Variants in MAP3K5 observed in about 807,000 individuals in gnomAD.
MAP3K5 encodes mitogen-activated protein kinase kinase kinase 5, also known as ASK-1.
A neutral mutation model predicts 158.7 loss-of-function variants in MAP3K5; 56 were observed. That is an observed-to-expected ratio of 0.35 (90% CI 0.28 to 0.44). The LOEUF is 0.44. Ranked by LOEUF, MAP3K5 falls within the 20% of genes least tolerant of loss-of-function variation. The probability of loss-of-function intolerance (pLI) is 1.00; values close to 1 mark genes in which losing one functional copy is unlikely to be tolerated. For missense variants in MAP3K5, 1,294 were observed against 1,674.8 expected, an observed-to-expected ratio of 0.77 and a Z score of 3.97; for synonymous variants, 579 against 601.7, an observed-to-expected ratio of 0.96 and a Z score of 0.55.
In MAP3K5 at chr6:136,648,583, T is replaced by G. The variant is rs183783316; in HGVS notation, c.1788+2401A>C. 1.3e-4 allele frequency among the ~76,000 whole-genome samples: 20 copies of G among 152,338 alleles called. No individual in the cohort carries two copies. The East Asian group carries it at 3.9e-3, about 29-fold the overall frequency. On this transcript the variant is annotated intron_variant, in intron 11 of 29. Coordinates refer to ENST00000359015, the MANE Select transcript of MAP3K5 (RefSeq NM_005923.4). ...TAGTGTGCCTGCTAAAATACTAAGT[T>G]ACAAGACTTAACGTGACCAACTTTA... is the stretch of plus-strand genomic sequence containing the variant.
In MAP3K5 at chr6:136,622,876, T is replaced by C. The variant is rs139733824; in HGVS notation, c.2122A>G (p.Ile708Val). Residue 708 changes from isoleucine (I) to valine (V), a missense_variant, in exon 15 of 30, where the codon ATT becomes GTT. By Grantham distance (29) the Ile-to-Val change is conservative. Around this residue, in one of 5 missense-constraint regions of MAP3K5, gnomAD observed 41 missense variants for 98.2 expected, o/e 0.42. Transcript: ENST00000359015. The part of the protein sequence containing the change: ...RDLSNQVRIA[I>V]KEIPERDSRY... ...CTGTCTCTCTCTGGGATTTCCTTAA[T>C]AGCAATTCTGACTTGGTTGCTCAAG... 6.2e-4 allele frequency: 1,002 copies of C among 1,614,006 alleles called. 3 individuals carry two copies. In the African/African-American group the frequency reaches 6.7e-3, roughly 11 times the overall value.
At position 136,741,032 on chromosome 6, in the gene MAP3K5, C is replaced by T. The variant is rs117061220; in HGVS notation, c.449-20443G>A. ...TCACCACATTTCATTATAATATATG[C>T]ACTTGCTTTTCCATCAATAAGACTG... On this transcript the variant is annotated intron_variant, in intron 1 of 29. Coordinates refer to ENST00000359015, the MANE Select transcript of MAP3K5 (RefSeq NM_005923.4). 2.3e-3 allele frequency among the ~76,000 whole-genome samples: 352 copies of T among 152,226 alleles called. 6 individuals are homozygous for T. The South Asian group carries it at 0.032, about 14-fold the overall frequency.
At chr6:136,691,263 A>G (rs1044122691) in intron 7 of MAP3K5, among the ~76,000 whole-genome samples, 1 of 152,150 alleles carries the variant, frequency 6.6e-6, no homozygotes, top group Non-Finnish European at 1.5e-5. Context: ...TTCTTCAACT[A>G]TTATCCCTGC....
At position 136,557,962 on chromosome 6, in the gene MAP3K5, T is replaced by C. The variant is rs182665286; in HGVS notation, c.4065-144A>G. On this transcript the variant is annotated intron_variant, in intron 29 of 29. Coordinates refer to ENST00000359015, the MANE Select transcript of MAP3K5 (RefSeq NM_005923.4). ...GATCAGTTATTATGTATTCTTTTTG[T>C]ATATTTTTTCTCATCTTCCCTCCAT... is the stretch of plus-strand genomic sequence containing the variant. 6 of 625,256 alleles carry C rather than the reference T, an allele frequency of 9.6e-6. No individual in the cohort carries two copies. The African/African-American group carries it at 1.1e-4, about 12-fold the overall frequency. The allele number at this position is 625,256 out of a possible 1,614,324, so 38.7% of individuals were successfully genotyped here. A position where few individuals can be genotyped will look rare whatever the true frequency, so the allele number is the denominator to read the frequency against.
In MAP3K5 at chr6:136,792,279, T is replaced by TCGCCGCCG. The variant is rs1785116584; in HGVS notation, c.-130_-123dup. The TCGCCGCCG allele has an allele frequency of 9.0e-7, 1 of 1,110,436 alleles. No homozygotes were observed. The allele number at this position is 1,110,436 out of a possible 1,614,324, so 68.8% of individuals were successfully genotyped here. On this transcript the variant is annotated 5_prime_UTR_variant, in exon 1 of 30. Coordinates refer to ENST00000359015, the MANE Select transcript of MAP3K5 (RefSeq NM_005923.4). The surrounding 1 kb of genome is among the most constrained non-coding windows in gnomAD (Gnocchi z 5.7). Reference sequence around the variant, plus strand: ...GCAGCTGCCATCGCGCGCCGCGCCCTCGCCGCCGCGCCGCCGCCTCCTCTC... The same window carrying TCGCCGCCG: ...GCAGCTGCCATCGCGCGCCGCGCCCTCGCCGCCGCGCCGCCGCGCCGCCGCCTCCTCTC...
At chr6:136,759,456 ATATAT>A (rs2114960406) in intron 1 of MAP3K5, among the ~76,000 whole-genome samples, 1 of 124,426 alleles carries the variant, frequency 8.0e-6, no homozygotes, top group Non-Finnish European at 1.6e-5. Flanking sequence ...TACTAAAACT[ATATAT>A]ATATATATAT....
At chr6:136,709,533 C>A (rs1781219610) in intron 2 of MAP3K5, among the ~76,000 whole-genome samples, 2 of 152,042 alleles carry the variant, frequency 1.3e-5, no homozygotes, top group African/African-American at 4.8e-5. Flanking sequence ...TTTTGATGCA[C>A]CAGGCACAGA....
intron 1 of MAP3K5, among the ~76,000 whole-genome samples, chr6:136,730,395 C>T (rs1782168945): frequency 1.3e-5 from 2 of 151,288 alleles, no homozygotes; most frequent in Non-Finnish European, 2.9e-5. Context: ...TCCTTTTGAA[C>T]CTCAGCAGAG....
intron 7 of MAP3K5, among the ~76,000 whole-genome samples, chr6:136,691,505 G>A (rs1027308349): frequency 1.3e-5 from 2 of 152,026 alleles, no homozygotes; most frequent in South Asian, 2.1e-4. Context: ...CAGCTACTTG[G>A]GAGGTTGAGG....
At position 136,728,307 on chromosome 6, in the gene MAP3K5, G is replaced by A. The variant is rs184816071; in HGVS notation, c.449-7718C>T. The stretch of plus-strand genomic sequence containing the variant: ...GCTGCTTGTGAAGAGAAGAGTTGAG[G>A]GAAGATGTTAATTGGTATTTTCTGA... On this transcript the variant is annotated intron_variant, in intron 1 of 29. Transcript: ENST00000359015. Among the ~76,000 whole-genome samples, 30 of 152,044 alleles carry A rather than the reference G, an allele frequency of 2.0e-4. No individual in the cohort carries two copies. The East Asian group carries it at 4.6e-3, about 24-fold the overall frequency.
rs964608036 is a variant in MAP3K5, at chr6:136,629,250, C to T, written c.2017-6269G>A. 3 of 152,214 alleles carry T rather than the reference C, an allele frequency of 2.0e-5. No individual in the cohort carries two copies. The East Asian group carries it at 5.8e-4, about 29-fold the overall frequency. 9.4% of individuals were successfully genotyped at this position (152,214 alleles called of 1,614,324 possible). On this transcript the variant is annotated intron_variant, in intron 14 of 29. Coordinates refer to ENST00000359015, the MANE Select transcript of MAP3K5 (RefSeq NM_005923.4). ...CAACCACCTTAGAAAAAACCATGCA[C>T]TTTCGGCGGGGGCTTAATCACATTA... is the stretch of plus-strand genomic sequence containing the variant.
In MAP3K5 at chr6:136,601,037, A is replaced by C. The variant is rs551868809; in HGVS notation, c.2863T>G (p.Ser955Ala). The change falls in exon 21 of 30, where the codon TCA becomes GCA. Residue 955 changes from serine (S) to alanine (A), a missense_variant. Around this residue, in one of 5 missense-constraint regions of MAP3K5, gnomAD observed 362 missense variants for 463.2 expected, o/e 0.78. Coordinates refer to ENST00000359015, the MANE Select transcript of MAP3K5 (RefSeq NM_005923.4). ...KKTQPKLSAL[S>A]AGSNEYLRSI... The stretch of plus-strand genomic sequence containing the variant: ...ACAAACTCACCATTTGATCCAGCTG[A>C]AAGAGCTGTGGAAAGAAAAGCAAAC... 1.2e-6 allele frequency: 2 copies of C among 1,613,964 alleles called. No individual in the cohort carries two copies. Among genetic ancestry groups the C allele is most frequent in the African/African-American group, 2.7e-5 (2 of 75,040 alleles).
intron 15 of MAP3K5, among the ~76,000 whole-genome samples, chr6:136,622,145 A>C (rs1188310010): frequency 6.6e-6 from 1 of 151,544 alleles, no homozygotes; most frequent in Non-Finnish European, 1.5e-5. Context: ...GCACAATGGG[A>C]TTTCTCTTAT....
intron 21 of MAP3K5, among the ~76,000 whole-genome samples, chr6:136,600,306 C>CTCAG (rs1775818669): frequency 6.6e-6 from 1 of 151,782 alleles, no homozygotes; most frequent in African/African-American, 2.4e-5. Context: ...ATCCTCCCAC[C>CTCAG]TCAGCCTCCC....
chr6:136,588,668 G>A (rs1411285549), intron 23 of MAP3K5, among the ~76,000 whole-genome samples: 1 of 152,168 alleles, frequency 6.6e-6, no homozygotes, highest in Non-Finnish European at 1.5e-5. Flanking sequence ...TCCAAGGGCT[G>A]CCCAGCTGCT....
chr6:136,792,469 A>C lies in MAP3K5; in HGVS notation c.-312T>G. On this transcript the variant is annotated 5_prime_UTR_variant, in exon 1 of 30. Coordinates refer to ENST00000359015, the MANE Select transcript of MAP3K5 (RefSeq NM_005923.4). The surrounding 1 kb of genome is among the most constrained non-coding windows in gnomAD (Gnocchi z 5.7). ...GCTTCCTTTTCTTGGCCGGCTGACA[A>C]GTCGGCTCGCAAACCTGCGCCGCGG... The C allele has an allele frequency of 1.2e-6, 1 of 824,136 alleles. No individual in the cohort carries two copies. The highest frequency in any genetic ancestry group is 5.5e-5 in the South Asian group (1 of 18,208). The allele number at this position is 824,136 out of a possible 1,614,324, so 51.1% of individuals were successfully genotyped here.
chr6:136,696,151 G>T, intron 5 of MAP3K5, 94 bp from the exon 6 acceptor site: 1 of 671,672 alleles, frequency 1.5e-6, no homozygotes, highest in South Asian at 2.0e-5. Context: ...CTGAATTCAA[G>T]AAACACATTA....
intron 26 of MAP3K5, among the ~76,000 whole-genome samples, chr6:136,567,089 C>A (rs2129069820): frequency 6.6e-6 from 1 of 152,240 alleles, no homozygotes; most frequent in African/African-American, 2.4e-5. Flanking sequence ...CCTGTGGGTT[C>A]TATGCTAGCA....
chr6:136,763,376 T>C (rs1405893883), intron 1 of MAP3K5, among the ~76,000 whole-genome samples: 1 of 151,932 alleles, frequency 6.6e-6, no homozygotes, highest in Non-Finnish European at 1.5e-5. Flanking sequence ...GTCTTGTCTC[T>C]GTTCAACCAT....
Sources: gnomAD v4.1 joint callset for allele counts (sites outside exome capture counted in the v4.1 genomes callset) on GRCh38, gnomAD v4.1.1 for gene constraint, gnomAD v4.1.1 regional missense constraint, Gnocchi (gnomAD v3.1) non-coding constraint, MANE v1.5 for transcripts, NCBI Gene and HGNC (gene_info 2026-07-23, HGNC 2026-07-21) for gene names.